The following RYR2 variants were observed in gnomAD, a reference collection of about 807,000 sequenced individuals.
RYR2 encodes the protein ryanodine receptor 2.
A neutral mutation model predicts 601.1 loss-of-function variants in RYR2; 227 were observed. The ratio of observed to expected loss-of-function variants is 0.38; its 90% CI spans 0.34 to 0.42. RYR2 has a LOEUF of 0.42. Ranked by LOEUF, RYR2 falls within the 10% of genes least tolerant of loss-of-function variation. RYR2 has a pLI of 1.00. For missense variants in RYR2, 4,646 were observed against 6,156.5 expected, an observed-to-expected ratio of 0.75 and a Z score of 8.21; for synonymous variants, 2,223 against 2,175.1, an observed-to-expected ratio of 1.02 and a Z score of -0.61.
At chr1:237,396,022 A>G (rs1311773567) in intron 10 of RYR2, among the ~76,000 whole-genome samples, 1 of 152,196 alleles carries the variant, frequency 6.6e-6, no homozygotes, top group Non-Finnish European at 1.5e-5. Flanking sequence ...TACAAATGCT[A>G]TTGTTTCGTA....
At chr1:237,277,481 C>T (rs1355443951) in intron 2 of RYR2, among the ~76,000 whole-genome samples, 1 of 151,986 alleles carries the variant, frequency 6.6e-6, no homozygotes, top group African/African-American at 2.4e-5. Context: ...CCTAAAATTC[C>T]CAAAAATTAA....
Position 237,042,264 on chromosome 1 carries a change from C to G in RYR2, c.-258C>G. 1 of 196,606 alleles carries G rather than the reference C, an allele frequency of 5.1e-6. No homozygotes were observed. The highest frequency in any genetic ancestry group is 1.9e-4 in the South Asian group (1 of 5,208). The allele number at this position is 196,606 out of a possible 1,614,324, so 12.2% of individuals were successfully genotyped here. ...GCTGGGCTGCGGGGCTGCTTCCCCG[C>G]GTCCTCCGGGCCCGGGCCGCCCTCC... On this transcript the variant is annotated 5_prime_UTR_variant, in exon 1 of 105. Transcript: ENST00000366574.
At chr1:237,268,049 G>T (rs1689243275) in intron 1 of RYR2, among the ~76,000 whole-genome samples, 1 of 151,960 alleles carries the variant, frequency 6.6e-6, no homozygotes. Flanking sequence ...CTTCTTCCGG[G>T]GCTTACTGAG....
intron 35 of RYR2, among the ~76,000 whole-genome samples, chr1:237,603,093 G>A (rs916774550): frequency 4.6e-5 from 7 of 152,188 alleles, no homozygotes; most frequent in African/African-American, 1.4e-4. Flanking sequence ...AATGAAGGAC[G>A]GGTAAACGGC....
At chr1:237,230,065 G>C (rs959536852) in intron 1 of RYR2, among the ~76,000 whole-genome samples, 2 of 152,052 alleles carry the variant, frequency 1.3e-5, no homozygotes, top group Non-Finnish European at 2.9e-5. Context: ...CATTTTAAAG[G>C]TGGATAAAAT....
intron 5 of RYR2, among the ~76,000 whole-genome samples, chr1:237,366,747 T>A (rs1700235198): frequency 6.6e-6 from 1 of 151,852 alleles, no homozygotes; most frequent in African/African-American, 2.4e-5. Context: ...GGCCAAGCTT[T>A]ACGGTAAAAG....
At chr1:237,329,623 C>G (rs1036989661) in intron 2 of RYR2, among the ~76,000 whole-genome samples, 8 of 150,578 alleles carry the variant, frequency 5.3e-5, no homozygotes, top group Non-Finnish European at 1.0e-4. Flanking sequence ...CCCTGGGAAA[C>G]ACAGTGAGAC....
chr1:237,473,132 A>C (rs1336356152), intron 17 of RYR2, among the ~76,000 whole-genome samples: 2 of 152,114 alleles, frequency 1.3e-5, no homozygotes, highest in African/African-American at 4.8e-5. Context: ...TACATAAAAA[A>C]GTATTTGGTG....
rs148424454 is a variant in RYR2 at position 237,276,318 on chromosome 1, T to C, written c.168+5702T>C. Among the ~76,000 whole-genome samples the C allele has an allele frequency of 5.5e-3, 844 of 152,292 alleles. 5 individuals carry two copies. The highest frequency in any genetic ancestry group is 0.019 in the African/African-American group (804 of 41,568). On this transcript the variant is annotated intron_variant, in intron 2 of 104. Transcript: ENST00000366574. ...TTTTGCCATGTTGGCCAGGCTGGTC[T>C]AGAACGCCTGACCTCAGGTGGTCTG...
intron 4 of RYR2, among the ~76,000 whole-genome samples, chr1:237,363,341 G>A (rs575560070): frequency 8.5e-5 from 13 of 152,088 alleles, no homozygotes; most frequent in African/African-American, 2.9e-4. Flanking sequence ...AAGGATGAAA[G>A]CTTCTTTACA....
chr1:237,081,330 G>T lies in RYR2; in HGVS notation c.48+38761G>T, dbSNP rs569411701. Among the ~76,000 whole-genome samples the T allele has an allele frequency of 2.7e-5, 4 of 149,762 alleles. No individual in the cohort carries two copies. In the South Asian group the frequency reaches 8.6e-4, roughly 32 times the overall value. On this transcript the variant is annotated intron_variant, in intron 1 of 104. Transcript: ENST00000366574. ...AAAGTCAACAAAGGTCTGAGCTACG[G>T]ACTCGATGTACCTACATTTGCTTTG...
At chr1:237,067,788 T>C (rs1180093289) in intron 1 of RYR2, among the ~76,000 whole-genome samples, 1 of 152,224 alleles carries the variant, frequency 6.6e-6, no homozygotes, top group South Asian at 2.1e-4. Flanking sequence ...ACTGTAACAT[T>C]GTGGAAGAGT....
intron 1 of RYR2, among the ~76,000 whole-genome samples, chr1:237,264,644 TG>T (rs1314169286): frequency 1.3e-5 from 2 of 152,098 alleles, no homozygotes; most frequent in African/African-American, 4.8e-5. Context: ...TGCTAGATAC[TG>T]GGGCTATAAT....
intron 1 of RYR2, among the ~76,000 whole-genome samples, chr1:237,202,781 A>C (rs972900031): frequency 2.6e-5 from 4 of 152,120 alleles, no homozygotes; most frequent in African/African-American, 9.7e-5. Flanking sequence ...TGGCATCTGC[A>C]TCTTCTGAGC....
chr1:237,511,777 G>T lies in RYR2; in HGVS notation c.2808G>T (p.Ser936=), dbSNP rs1057521205. The T allele has an allele frequency of 6.8e-7, 1 of 1,479,068 alleles. No homozygotes were observed. 91.6% of individuals were successfully genotyped at this position (1,479,068 alleles called of 1,614,324 possible). ...EQERNYNLQM[S]LETLKTLLAL... The stretch of plus-strand genomic sequence containing the variant: ...AGCGCAATTACAACTTACAAATGTC[G>T]CTTGAGACCCTGAAGTGAGTTTCTT... The change falls in exon 24 of 105, where the codon TCG becomes TCT. Residue 936 remains serine, a synonymous_variant. Coordinates refer to ENST00000366574, the MANE Select transcript of RYR2 (RefSeq NM_001035.3).
intron 4 of RYR2, among the ~76,000 whole-genome samples, chr1:237,358,487 G>A (rs979172046): frequency 2.6e-5 from 4 of 151,952 alleles, no homozygotes; most frequent in Non-Finnish European, 4.4e-5. Flanking sequence ...GGTTTCTAAT[G>A]CTGACTTTCT....
chr1:237,269,288 C>G (rs1041911012), intron 1 of RYR2, among the ~76,000 whole-genome samples: 5 of 151,806 alleles, frequency 3.3e-5, no homozygotes, highest in Admixed American at 2.6e-4. Context: ...GGTGAGCCGC[C>G]TGCCTCGGCC....
At chr1:237,331,007 TGTA>T in intron 3 of RYR2, 25 bp downstream of exon 3, 1 of 1,565,678 alleles carries the variant, frequency 6.4e-7, no homozygotes, top group Non-Finnish European at 8.8e-7. Flanking sequence ...TATGTAGACT[TGTA>T]GTATTTTAAT....
At chr1:237,428,410 T>C (rs1321145440) in intron 12 of RYR2, among the ~76,000 whole-genome samples, 1 of 152,204 alleles carries the variant, frequency 6.6e-6, no homozygotes, top group Non-Finnish European at 1.5e-5. Flanking sequence ...TGGAACACTA[T>C]GCAGCCACAA....
Sources: gnomAD v4.1 joint callset for allele counts (sites outside exome capture counted in the v4.1 genomes callset) on GRCh38, gnomAD v4.1.1 for gene constraint, MANE v1.5 for transcripts, NCBI Gene and HGNC (gene_info 2026-07-23, HGNC 2026-07-21) for gene names.